NBAS: variants seen among roughly 807,000 people sequenced by gnomAD.
NBAS encodes the protein NAG/BC035112 fusion.
Under a neutral mutation model 302.5 loss-of-function variants are expected in NBAS, and 219 were observed. The ratio of observed to expected loss-of-function variants is 0.72; its 90% CI spans 0.65 to 0.81. The LOEUF (loss-of-function observed/expected upper bound fraction) is 0.81. NBAS is among the 30% of genes least tolerant of loss of function. The pLI, the probability that NBAS is intolerant of heterozygous loss-of-function variation, is 0.00. For missense variants in NBAS, 2,932 were observed against 2,841.6 expected (o/e 1.03, Z -0.72); for synonymous variants, 1,118 against 1,021.6 (o/e 1.09, Z -1.80).
the NBAS span, among the ~76,000 whole-genome samples, chr2:15,066,257 T>A: frequency 6.6e-6 from 1 of 152,210 alleles, no homozygotes; most frequent in African/African-American, 2.4e-5. Flanking sequence ...GATTTATACT[T>A]AAGACCTGAA....
chr2:15,181,260 C>A (rs1328449907), intron 50 of NBAS, among the ~76,000 whole-genome samples: 1 of 152,150 alleles, frequency 6.6e-6, no homozygotes, highest in African/African-American at 2.4e-5. Context: ...CTGACCTTGG[C>A]TTTCATGACA....
At chr2:15,276,218 T>C (rs1669576790) in intron 43 of NBAS, among the ~76,000 whole-genome samples, 1 of 152,218 alleles carries the variant, frequency 6.6e-6, no homozygotes, top group Non-Finnish European at 1.5e-5. Flanking sequence ...TGAATCTTAT[T>C]CCCTTATCCT....
chr2:15,376,603 G>T (rs1433023093), intron 30 of NBAS, among the ~76,000 whole-genome samples: 1 of 152,092 alleles, frequency 6.6e-6, no homozygotes, highest in African/African-American at 2.4e-5. Context: ...CCTGTGTGGG[G>T]GGAATGGGGG....
At chr2:15,063,945 T>C in the NBAS span, among the ~76,000 whole-genome samples, 1 of 152,196 alleles carries the variant, frequency 6.6e-6, no homozygotes, top group African/African-American at 2.4e-5. Flanking sequence ...AGTGTGGAGC[T>C]ATCTTTTATT....
At chr2:15,399,548 G>A (rs886793362) in intron 26 of NBAS, among the ~76,000 whole-genome samples, 11 of 152,152 alleles carry the variant, frequency 7.2e-5, no homozygotes, top group Non-Finnish European at 1.3e-4. Flanking sequence ...CTAGGGATGT[G>A]AGGTAGCCTG....
At chr2:15,016,123 G>T in the NBAS span, among the ~76,000 whole-genome samples, 5 of 152,106 alleles carry the variant, frequency 3.3e-5, no homozygotes, top group Non-Finnish European at 7.4e-5. Context: ...AAGAAAAAGA[G>T]GTTTAATGGA....
At chr2:15,499,646 A>G (rs1178494006) in intron 11 of NBAS, among the ~76,000 whole-genome samples, 1 of 152,196 alleles carries the variant, frequency 6.6e-6, no homozygotes, top group African/African-American at 2.4e-5. Context: ...GAGGATGAGG[A>G]AAAATAACTA....
At chr2:15,125,306 G>C in the NBAS span, among the ~76,000 whole-genome samples, 2 of 152,192 alleles carry the variant, frequency 1.3e-5, no homozygotes, top group African/African-American at 4.8e-5. Flanking sequence ...GGGGCCTCAA[G>C]AAGCTTACAA....
intron 35 of NBAS, among the ~76,000 whole-genome samples, chr2:15,340,082 G>A (rs1672776282): frequency 6.6e-6 from 1 of 152,198 alleles, no homozygotes; most frequent in South Asian, 2.1e-4. Context: ...TAAAGCCTTA[G>A]TTTCTACTCT....
At chr2:15,416,424 A>G (rs1355539672) in intron 24 of NBAS, among the ~76,000 whole-genome samples, 3 of 152,206 alleles carry the variant, frequency 2.0e-5, no homozygotes, top group Non-Finnish European at 4.4e-5. Context: ...AGGAGTCAAC[A>G]TATAACACAA....
At chr2:15,502,467 CCTA>C (rs1296574301) in intron 11 of NBAS, among the ~76,000 whole-genome samples, 8 of 152,180 alleles carry the variant, frequency 5.3e-5, no homozygotes, top group Non-Finnish European at 8.8e-5. Flanking sequence ...GATGGGATAG[CCTA>C]CTACGCACCT....
chr2:15,265,162 C>G (rs1451636091), intron 44 of NBAS, among the ~76,000 whole-genome samples: 1 of 152,204 alleles, frequency 6.6e-6, no homozygotes, highest in Non-Finnish European at 1.5e-5. Context: ...ATACTTATGT[C>G]TTGGCTGTGC....
chr2:15,314,559 C>A (rs1432851709), intron 38 of NBAS, among the ~76,000 whole-genome samples: 1 of 152,128 alleles, frequency 6.6e-6, no homozygotes. Flanking sequence ...AGATAGAAAA[C>A]CCACAGTCTT....
chr2:14,909,771 GAAC>G, the NBAS span, among the ~76,000 whole-genome samples: 2 of 152,226 alleles, frequency 1.3e-5, no homozygotes, highest in Non-Finnish European at 2.9e-5. Context: ...CACTGGGTAA[GAAC>G]AACAATGGGC....
intron 11 of NBAS, among the ~76,000 whole-genome samples, chr2:15,496,943 A>T (rs942043245): frequency 2.0e-5 from 3 of 152,214 alleles, no homozygotes; most frequent in African/African-American, 7.2e-5. Flanking sequence ...AAATTGAAGG[A>T]CTATAAGAGG....
the NBAS span, among the ~76,000 whole-genome samples, chr2:15,142,864 A>G: frequency 3.5e-4 from 53 of 152,320 alleles, 1 homozygote; most frequent in Admixed American, 2.8e-3. Context: ...AGGGCAAGGA[A>G]GATGTTGAAA....
chr2:15,411,282 C>T (rs1189781291), intron 25 of NBAS, among the ~76,000 whole-genome samples: 1 of 152,164 alleles, frequency 6.6e-6, no homozygotes, highest in African/African-American at 2.4e-5. Context: ...CACTCCCCTA[C>T]AGGTTTCAAG....
chr2:14,832,614 G>C, the NBAS span, among the ~76,000 whole-genome samples: 19 of 152,284 alleles, frequency 1.2e-4, no homozygotes, highest in Non-Finnish European at 2.2e-4. Flanking sequence ...CTACCAGAGG[G>C]AAAGTGGATA....
the NBAS span, among the ~76,000 whole-genome samples, chr2:15,035,642 T>A: frequency 6.6e-6 from 1 of 152,192 alleles, no homozygotes; most frequent in Non-Finnish European, 1.5e-5. Context: ...ATATATATCA[T>A]GGAATACTAT....
Sources: gnomAD v4.1 joint callset for allele counts (sites outside exome capture counted in the v4.1 genomes callset) on GRCh38, gnomAD v4.1.1 for gene constraint, MANE v1.5 for transcripts, NCBI Gene and HGNC (gene_info 2026-07-23, HGNC 2026-07-21) for gene names.